AKT2: variants seen among roughly 807,000 people sequenced by gnomAD.
AKT2 encodes the protein RAC-beta serine/threonine-protein kinase.
Under a neutral mutation model 58.6 loss-of-function variants are expected in AKT2, and 16 were observed. That is an observed-to-expected ratio of 0.27 (90% CI 0.18 to 0.41). The LOEUF (loss-of-function observed/expected upper bound fraction) is 0.41. Among genes scored for constraint, AKT2 ranks in the 10% least tolerant of loss-of-function variants. The pLI is 1.00. For missense variants in AKT2, 438 were observed against 661.0 expected (o/e 0.66, Z 3.70); for synonymous variants, 253 against 254.0 (o/e 1.00, Z 0.04).
chr19:40,242,172 A>G lies in AKT2; in HGVS notation c.442-103T>C, dbSNP rs1599982225. On this transcript the variant is annotated intron_variant, in intron 5 of 13. Coordinates refer to ENST00000392038, the MANE Select transcript of AKT2 (RefSeq NM_001626.6). The surrounding 1 kb of genome is among the most constrained non-coding windows in gnomAD (Gnocchi z 4.3). ...GGAAAACCAAAAGACACTGTTGCCA[A>G]ACGGCTTAGGCTGGAGCAGGAAGGG... The G allele has an allele frequency of 6.5e-7, 1 of 1,532,964 alleles. No homozygotes were observed. The highest frequency in any genetic ancestry group is 1.4e-5 in the African/African-American group (1 of 73,216). The allele number at this position is 1,532,964 out of a possible 1,614,324, so 95.0% of individuals were successfully genotyped here.
intron 4 of AKT2, among the ~76,000 whole-genome samples, chr19:40,252,994 T>C (rs1376335988): frequency 1.3e-5 from 2 of 152,186 alleles, no homozygotes; most frequent in Non-Finnish European, 2.9e-5. Flanking sequence ...TGTGCAACAA[T>C]AATTATAGTA....
At position 40,231,095 on chromosome 19, in the gene AKT2, CAA is replaced by C. The variant is rs1454081272; in HGVS notation, c.*2775_*2776del. 3.6e-5 allele frequency: 8 copies of C among 225,138 alleles called. No individual in the cohort carries two copies. The East Asian group carries it at 5.1e-4, about 14-fold the overall frequency. The allele number at this position is 225,138 out of a possible 1,614,324, so 13.9% of individuals were successfully genotyped here. ...CATTGCAAAAGACGATTATTCTACT[CAA>C]AATTTATTTGGTAAGATTTTATTAA... is the stretch of plus-strand genomic sequence containing the variant. On this transcript the variant is annotated 3_prime_UTR_variant, in exon 14 of 14. Transcript: ENST00000392038.
At chr19:40,256,705 A>G (rs1284832381) in intron 3 of AKT2, among the ~76,000 whole-genome samples, 3 of 152,190 alleles carry the variant, frequency 2.0e-5, no homozygotes, top group Non-Finnish European at 4.4e-5. Flanking sequence ...GTGTGGGCAA[A>G]TGCCCTGGCT....
At chr19:40,255,682 G>A (rs1343788519) in intron 3 of AKT2, among the ~76,000 whole-genome samples, 2 of 152,144 alleles carry the variant, frequency 1.3e-5, no homozygotes, top group Non-Finnish European at 2.9e-5. Flanking sequence ...ATCCTCAGGG[G>A]GTGGCCAATT....
At chr19:40,249,865 G>A (rs1225448374) in intron 4 of AKT2, among the ~76,000 whole-genome samples, 3 of 152,244 alleles carry the variant, frequency 2.0e-5, no homozygotes, top group Non-Finnish European at 4.4e-5. Flanking sequence ...GCACAGCTGG[G>A]GAAGGGCAAG....
intron 1 of AKT2, among the ~76,000 whole-genome samples, chr19:40,267,359 T>C (rs879607890): frequency 2.0e-5 from 3 of 152,134 alleles, no homozygotes; most frequent in African/African-American, 7.2e-5. Flanking sequence ...ACGTTGACTA[T>C]TGCACCTCTC....
chr19:40,278,681 A>C (rs936200055), intron 1 of AKT2, among the ~76,000 whole-genome samples: 1 of 151,956 alleles, frequency 6.6e-6, no homozygotes, highest in Non-Finnish European at 1.5e-5. Context: ...CTGTGCTCTC[A>C]GGTGCCCTCA....
chr19:40,273,868 C>G (rs2077263105), intron 1 of AKT2, among the ~76,000 whole-genome samples: 2 of 152,146 alleles, frequency 1.3e-5, no homozygotes, highest in African/African-American at 4.8e-5. Flanking sequence ...GGACCTCTCC[C>G]TAGTGCCCAT....
chr19:40,261,653 G>GTAGAAAT (rs1439195528), intron 2 of AKT2, among the ~76,000 whole-genome samples: 2 of 151,912 alleles, frequency 1.3e-5, no homozygotes, highest in Non-Finnish European at 2.9e-5. Context: ...CCTACCTCCA[G>GTAGAAAT]AACGGTAAGA....
intron 4 of AKT2, among the ~76,000 whole-genome samples, chr19:40,253,826 T>A (rs1039341367): frequency 1.1e-4 from 16 of 149,776 alleles, no homozygotes; most frequent in African/African-American, 3.9e-4. Context: ...AACGGCTAAA[T>A]AAACACACTT....
At chr19:40,241,503 T>A (rs1008581357) in intron 6 of AKT2, 23 of 271,578 alleles carry the variant, frequency 8.5e-5, no homozygotes, top group African/African-American at 4.9e-4. Flanking sequence ...GTCCGTAATA[T>A]TTATTTTCTT....
chr19:40,236,409 C>A, intron 9 of AKT2, 24 bp from the exon 10 acceptor site: 1 of 1,614,012 alleles, frequency 6.2e-7, no homozygotes, highest in South Asian at 1.1e-5. Context: ...CAACGGATCT[C>A]AGGTGCATGC....
intron 1 of AKT2, chr19:40,268,522 A>G (rs1249857422): frequency 1.3e-5 from 2 of 152,332 alleles, no homozygotes; most frequent in Non-Finnish European, 2.9e-5. Flanking sequence ...CCAACACCCC[A>G]CCAGACAGTC....
intron 1 of AKT2, chr19:40,274,600 A>G: frequency 5.5e-6 from 1 of 183,346 alleles, no homozygotes; most frequent in Non-Finnish European, 1.2e-5. Flanking sequence ...GAAAGGGAGC[A>G]GGGGTTTCCG....
At chr19:40,253,549 G>A (rs892905315) in intron 4 of AKT2, among the ~76,000 whole-genome samples, 8 of 152,080 alleles carry the variant, frequency 5.3e-5, no homozygotes, top group Non-Finnish European at 1.0e-4. Flanking sequence ...TAAACACCCC[G>A]AGGTGCTGAA....
Position 40,285,267 on chromosome 19 carries a change from C to CCGGCAG in AKT2, c.-177_-172dup, listed in dbSNP as rs990034471. ...CGCTGGTTCCCTTTCCTTGTGTTTC[C>CCGGCAG]CGGCAGCGGCAACGGCGCCGGCAGC... On this transcript the variant is annotated 5_prime_UTR_variant, in exon 1 of 14. Coordinates refer to ENST00000392038, the MANE Select transcript of AKT2 (RefSeq NM_001626.6). The CCGGCAG allele has an allele frequency of 1.0e-5, 4 of 395,404 alleles. No individual in the cohort carries two copies. The highest frequency in any genetic ancestry group is 6.2e-5 in the African/African-American group (3 of 48,344). 24.5% of individuals were successfully genotyped at this position (395,404 alleles called of 1,614,324 possible). A position where few individuals can be genotyped will look rare whatever the true frequency, so the allele number is the denominator to read the frequency against.
intron 6 of AKT2, 112 bp from the exon 7 acceptor site, chr19:40,240,222 T>G (rs1415834837): frequency 1.7e-6 from 2 of 1,150,166 alleles, no homozygotes; most frequent in Admixed American, 1.7e-5. Flanking sequence ...CAGCCATAAA[T>G]GCAGAAAATC....
At chr19:40,265,400 A>G in intron 1 of AKT2, 49 bp from the exon 2 acceptor site, 2 of 1,528,320 alleles carry the variant, frequency 1.3e-6, no homozygotes, top group Non-Finnish European at 8.8e-7. Context: ...ATTCCACACC[A>G]GCCCCTTCCC....
At chr19:40,281,710 C>T (rs2077427325) in intron 1 of AKT2, among the ~76,000 whole-genome samples, 1 of 152,234 alleles carries the variant, frequency 6.6e-6, no homozygotes, top group Admixed American at 6.5e-5. Flanking sequence ...TCCTAGTGCT[C>T]TCTGACACGG....
Sources: allele counts gnomAD v4.1 joint callset (sites outside exome capture counted in the v4.1 genomes callset), GRCh38; gene constraint gnomAD v4.1.1; non-coding constraint Gnocchi (gnomAD v3.1); transcripts MANE v1.5; gene names NCBI Gene and HGNC (gene_info 2026-07-23, HGNC 2026-07-21).